DENND5B: variants seen among roughly 807,000 people sequenced by gnomAD.
The protein encoded by DENND5B is DENN domain-containing protein 5B.
A neutral mutation model predicts 140.6 loss-of-function variants in DENND5B; 34 were observed. The ratio of observed to expected loss-of-function variants is 0.24; its 90% CI spans 0.18 to 0.32. The LOEUF is 0.32. Among genes scored for constraint, DENND5B ranks in the 10% least tolerant of loss-of-function variants. DENND5B has a pLI of 1.00. For synonymous variants in DENND5B, 551 were observed against 562.1 expected (o/e 0.98, Z 0.28); for missense variants, 1,142 against 1,560.2 (o/e 0.73, Z 4.52).
intron 11 of DENND5B, chr12:31,420,158 G>T: frequency 2.7e-6 from 2 of 748,284 alleles, no homozygotes; most frequent in Non-Finnish European, 3.3e-6. Flanking sequence ...ACAGGGTCTT[G>T]CTCTGTCACC....
intron 6 of DENND5B, among the ~76,000 whole-genome samples, chr12:31,444,997 T>C (rs1378079380): frequency 6.6e-6 from 1 of 152,166 alleles, no homozygotes; most frequent in Non-Finnish European, 1.5e-5. Flanking sequence ...TTGATCTATT[T>C]AAGTAAAGTG....
In DENND5B at chr12:31,387,600, G is replaced by T. The variant is rs1357088593; in HGVS notation, c.*3C>A. 2.7e-5 allele frequency: 44 copies of T among 1,611,572 alleles called. 1 individual carries two copies. The East Asian group carries it at 9.4e-4, about 34-fold the overall frequency. On this transcript the variant is annotated 3_prime_UTR_variant, in exon 21 of 21. Transcript: ENST00000389082. ...TTGGACTGAGAGTTTCTAGCCAGTT[G>T]GGTTACACATCCACTCCTTTGATGA...
intron 1 of DENND5B, among the ~76,000 whole-genome samples, chr12:31,539,633 A>C (rs985152210): frequency 3.9e-5 from 6 of 152,210 alleles, no homozygotes; most frequent in African/African-American, 1.4e-4. Flanking sequence ...CAAAAACCAT[A>C]TGATCATTTC....
At chr12:31,420,948 T>C (rs995680669) in intron 11 of DENND5B, among the ~76,000 whole-genome samples, 11 of 152,348 alleles carry the variant, frequency 7.2e-5, no homozygotes, top group Non-Finnish European at 1.6e-4. Flanking sequence ...TGTCTCTGAC[T>C]CCTGTTTAGT....
intron 1 of DENND5B, among the ~76,000 whole-genome samples, chr12:31,574,220 G>A (rs376404470): frequency 3.3e-5 from 5 of 150,522 alleles, no homozygotes; most frequent in South Asian, 4.2e-4. Flanking sequence ...CTGTGATCGC[G>A]CCACTGCACT....
At position 31,394,390 on chromosome 12, in the gene DENND5B, G is replaced by T. The variant is rs1260449683; in HGVS notation, c.3257-1694C>A. ...GATTAAAAAAAAATGGGGGATAAAA[G>T]CCTCTCAGATAATACCCCCATGAAA... On this transcript the variant is annotated intron_variant, in intron 17 of 20. Transcript: ENST00000389082. Among the ~76,000 whole-genome samples, 14 of 152,016 alleles carry T rather than the reference G, an allele frequency of 9.2e-5. No individual in the cohort carries two copies. The East Asian group carries it at 2.7e-3, about 29-fold the overall frequency.
intron 1 of DENND5B, among the ~76,000 whole-genome samples, chr12:31,504,825 T>C (rs573969476): frequency 6.6e-6 from 1 of 152,324 alleles, no homozygotes; most frequent in South Asian, 2.1e-4. Context: ...CAATGATATG[T>C]GGGCAGCAAT....
intron 1 of DENND5B, among the ~76,000 whole-genome samples, chr12:31,579,704 GAGAA>G (rs1436787639): frequency 8.2e-6 from 1 of 122,650 alleles, no homozygotes; most frequent in Admixed American, 1.0e-4. Flanking sequence ...AGGAGAAAGA[GAGAA>G]AGAGTGAGAG....
At chr12:31,534,801 T>C (rs1948423893) in intron 1 of DENND5B, 41 of 448,620 alleles carry the variant, frequency 9.1e-5, no homozygotes, top group Middle Eastern at 8.2e-4. Context: ...TCAAATGCCG[T>C]TTCTTTGAAG....
At chr12:31,503,608 A>G (rs1200030758) in intron 1 of DENND5B, among the ~76,000 whole-genome samples, 2 of 152,206 alleles carry the variant, frequency 1.3e-5, no homozygotes, top group Non-Finnish European at 2.9e-5. Flanking sequence ...AAGTAGGGAA[A>G]CAAATCCATT....
chr12:31,422,532 C>T (rs1242967941), intron 11 of DENND5B, among the ~76,000 whole-genome samples: 1 of 151,626 alleles, frequency 6.6e-6, no homozygotes, highest in African/African-American at 2.4e-5. Context: ...ACCTGGGAGG[C>T]AGAGGTTGCA....
intron 7 of DENND5B, among the ~76,000 whole-genome samples, chr12:31,439,784 C>T (rs939798352): frequency 2.6e-5 from 4 of 151,764 alleles, no homozygotes; most frequent in Admixed American, 1.3e-4. Context: ...ATAAAATTAG[C>T]CTGGCGTAGT....
At chr12:31,574,189 G>C (rs1448969551) in intron 1 of DENND5B, among the ~76,000 whole-genome samples, 1 of 151,382 alleles carries the variant, frequency 6.6e-6, no homozygotes, top group Non-Finnish European at 1.5e-5. Context: ...CTTGAGCCCG[G>C]GAGATCGAGG....
At chr12:31,463,104 A>C (rs986163682) in intron 3 of DENND5B, among the ~76,000 whole-genome samples, 1 of 151,948 alleles carries the variant, frequency 6.6e-6, no homozygotes, top group African/African-American at 2.4e-5. Context: ...CTCTAGTAAA[A>C]ATATAAAAAT....
intron 7 of DENND5B, among the ~76,000 whole-genome samples, chr12:31,439,112 T>C (rs977398751): frequency 1.3e-5 from 2 of 152,238 alleles, no homozygotes; most frequent in Non-Finnish European, 2.9e-5. Context: ...TTATTAAACT[T>C]TATTTACTAA....
At chr12:31,581,884 A>G (rs1487231509) in intron 1 of DENND5B, among the ~76,000 whole-genome samples, 1 of 152,166 alleles carries the variant, frequency 6.6e-6, no homozygotes, top group African/African-American at 2.4e-5. Flanking sequence ...AAAATCGTGT[A>G]GTACGTACAG....
chr12:31,526,672 G>C (rs1334735957), intron 1 of DENND5B, among the ~76,000 whole-genome samples: 1 of 152,184 alleles, frequency 6.6e-6, no homozygotes, highest in Non-Finnish European at 1.5e-5. Flanking sequence ...AACAGAAAAA[G>C]GGTATTAGTG....
intron 1 of DENND5B, among the ~76,000 whole-genome samples, chr12:31,550,421 T>C (rs1949008872): frequency 6.6e-6 from 1 of 151,988 alleles, no homozygotes; most frequent in Non-Finnish European, 1.5e-5. Flanking sequence ...TGCATAGTAT[T>C]CCATGGTGTA....
intron 1 of DENND5B, among the ~76,000 whole-genome samples, chr12:31,583,167 C>T (rs1295883943): frequency 6.6e-6 from 1 of 152,106 alleles, no homozygotes; most frequent in Non-Finnish European, 1.5e-5. Context: ...TGGCGTGTGC[C>T]TGTAATCCCA....
Sources: allele counts gnomAD v4.1 joint callset (sites outside exome capture counted in the v4.1 genomes callset), GRCh38; gene constraint gnomAD v4.1.1; transcripts MANE v1.5; gene names NCBI Gene and HGNC (gene_info 2026-07-23, HGNC 2026-07-21).